Variants in SMAP2 observed in about 807,000 individuals in gnomAD.
The protein encoded by SMAP2 is small ArfGAP2, also known as stromal membrane-associated protein 2.
A neutral mutation model predicts 56.4 loss-of-function variants in SMAP2; 25 were observed. The ratio of observed to expected loss-of-function variants is 0.44; its 90% CI spans 0.32 to 0.62. The LOEUF (loss-of-function observed/expected upper bound fraction) is 0.62. SMAP2 is among the 20% of genes least tolerant of loss of function. SMAP2 has a pLI of 0.04. For synonymous variants in SMAP2, 157 were observed against 181.7 expected (o/e 0.86, Z 1.09); for missense variants, 388 against 545.6 (o/e 0.71, Z 2.88).
At chr1:40,372,585 C>T (rs544500104), upstream of SMAP2, among the ~76,000 whole-genome samples, 1 of 152,226 alleles carries the variant, frequency 6.6e-6, no homozygotes, top group South Asian at 2.1e-4. Context: ...AGGGAAGAGG[C>T]TTAGCCAGAA....
intron 1 of SMAP2, among the ~76,000 whole-genome samples, chr1:40,360,377 C>T (rs1330891880): frequency 2.0e-5 from 3 of 150,070 alleles, no homozygotes; most frequent in African/African-American, 7.4e-5. Flanking sequence ...GATCTTGGCT[C>T]ACTGCAACCT....
rs1217368960 is a variant in SMAP2 at position 40,414,217 on chromosome 1, C to T, written c.548C>T (p.Pro183Leu). Residue 183 changes from proline (P) to leucine (L), a missense_variant, in exon 6 of 10, where the codon CCT becomes CTT. By Grantham distance (98) the Pro-to-Leu change is moderately conservative. Transcript: ENST00000372718. ...AAAAGCTCCCCGAAATCCACAGCGC[C>T]TGTCATGGATTTGTTGGGCCTTGGT... ...PRKSSPKSTA[P>L]VMDLLGLDAP... 1.2e-6 allele frequency: 2 copies of T among 1,614,068 alleles called. No individual in the cohort carries two copies. The highest frequency in any genetic ancestry group is 2.2e-5 in the East Asian group (1 of 44,900).
At chr1:40,351,131 C>T (rs973769502) in intron 1 of SMAP2, among the ~76,000 whole-genome samples, 1 of 152,174 alleles carries the variant, frequency 6.6e-6, no homozygotes, top group Non-Finnish European at 1.5e-5. Context: ...CCTTCTGGAG[C>T]ACCCCAGCTT....
chr1:40,374,525 T>C lies in SMAP2; in HGVS notation c.103+302T>C. 1.1e-6 allele frequency: 1 copy of C among 874,470 alleles called. No individual in the cohort carries two copies. The highest frequency in any genetic ancestry group is 1.6e-5 in the South Asian group (1 of 63,568). The allele number at this position is 874,470 out of a possible 1,614,324, so 54.2% of individuals were successfully genotyped here. A position where few individuals can be genotyped will look rare whatever the true frequency, so the allele number is the denominator to read the frequency against. The stretch of plus-strand genomic sequence containing the variant: ...GGCTCTGAATGAGTTCTGGGCCGGC[T>C]GTCCAGAGAGAGCTCCCAGCATGTC... On this transcript the variant is annotated intron_variant, in intron 1 of 9. Transcript: ENST00000372718. The surrounding 1 kb of genome is among the most constrained non-coding windows in gnomAD (Gnocchi z 5.9).
Position 40,422,090 on chromosome 1 carries a change from A to C in SMAP2, c.1279A>C (p.Met427Leu). The C allele has an allele frequency of 6.2e-7, 1 of 1,614,056 alleles. No homozygotes were observed. Among genetic ancestry groups the C allele is most frequent in the Non-Finnish European group, 8.5e-7 (1 of 1,180,006 alleles). ...QAANQTLSPQ[M>L]WK ...AGCAAATCAGACTCTCAGTCCTCAGATGTGGAAATAAAAACAAAACACCTG... is the reference window on the plus strand; with the variant it reads ...AGCAAATCAGACTCTCAGTCCTCAGCTGTGGAAATAAAAACAAAACACCTG... The change falls in exon 10 of 10, where the codon ATG becomes CTG. Residue 427 changes from methionine to leucine, a missense_variant. By Grantham distance (15) the Met-to-Leu change is conservative. Transcript: ENST00000372718.
chr1:40,354,767 ATTTTTTTTTTTT>A (rs774191085), intron 1 of SMAP2, among the ~76,000 whole-genome samples: 3 of 67,338 alleles, frequency 4.5e-5, no homozygotes, highest in South Asian at 7.4e-4. Flanking sequence ...AAAACATTGA[ATTTTTTTTTTTT>A]TTTTTTTTTT....
chr1:40,389,748 G>A (rs922171433), intron 1 of SMAP2, among the ~76,000 whole-genome samples: 1 of 152,194 alleles, frequency 6.6e-6, no homozygotes, highest in African/African-American at 2.4e-5. Flanking sequence ...CAGTCCTTTA[G>A]CCCTTTTGTG....
At chr1:40,412,864 C>G (rs1237448114) in intron 4 of SMAP2, 152 bp from the exon 5 acceptor site, 20 of 601,056 alleles carry the variant, frequency 3.3e-5, no homozygotes, top group Non-Finnish European at 5.6e-5. Context: ...CTCTCATGCT[C>G]CACACCAAGA....
At chr1:40,397,500 C>T (rs1164925023) in intron 1 of SMAP2, among the ~76,000 whole-genome samples, 1 of 152,164 alleles carries the variant, frequency 6.6e-6, no homozygotes, top group East Asian at 1.9e-4. Flanking sequence ...AATCCGTTTT[C>T]TGTGTTACAG....
At chr1:40,353,057 T>A (rs930839047) in intron 1 of SMAP2, among the ~76,000 whole-genome samples, 20 of 152,178 alleles carry the variant, frequency 1.3e-4, no homozygotes, top group African/African-American at 4.8e-4. Flanking sequence ...CCCACAGCCA[T>A]GTCCAGCACC....
In SMAP2 at chr1:40,418,307, C is replaced by A. The variant is rs145333738; in HGVS notation, c.1164+1211C>A. Among the ~76,000 whole-genome samples the A allele has an allele frequency of 7.8e-3, 1,183 of 152,018 alleles. 7 individuals carry two copies. Among genetic ancestry groups the A allele is most frequent in the Admixed American group, 0.011 (174 of 15,278 alleles). On this transcript the variant is annotated intron_variant, in intron 9 of 9. Transcript: ENST00000372718. ...CAATAGATTGAGCTGAAAATATATT[C>A]GGCATTGAGGAAAGGCATGAAACAG...
intron 1 of SMAP2, among the ~76,000 whole-genome samples, chr1:40,360,004 CTTTT>C (rs775408458): frequency 9.8e-6 from 1 of 102,482 alleles, no homozygotes; most frequent in South Asian, 3.3e-4. Context: ...CTTCTTCTTT[CTTTT>C]TTTTTTTTTT....
intron 1 of SMAP2, among the ~76,000 whole-genome samples, chr1:40,392,115 A>G (rs1414995901): frequency 6.6e-6 from 1 of 151,996 alleles, no homozygotes; most frequent in Non-Finnish European, 1.5e-5. Flanking sequence ...GAAATGCATT[A>G]GATTGCCCAA....
In SMAP2 at chr1:40,396,229, A is replaced by G. The variant is rs12566885; in HGVS notation, c.104-10507A>G. ...TATCAAAATGGTAGGAAGAGAGATTAATGGGACTCCGTATAAGGAAGGCCT... is the reference window on the plus strand; with the variant it reads ...TATCAAAATGGTAGGAAGAGAGATTGATGGGACTCCGTATAAGGAAGGCCT... On this transcript the variant is annotated intron_variant, in intron 1 of 9. Transcript: ENST00000372718. Among the ~76,000 whole-genome samples, 817 of 152,336 alleles carry G rather than the reference A, an allele frequency of 5.4e-3. 28 individuals carry two copies. In the East Asian group the frequency reaches 0.079, roughly 15 times the overall value.
chr1:40,392,753 A>C (rs1467680730), intron 1 of SMAP2, among the ~76,000 whole-genome samples: 1 of 152,144 alleles, frequency 6.6e-6, no homozygotes, highest in Non-Finnish European at 1.5e-5. Context: ...GTAATAAGCA[A>C]TCTAAAACTT....
At chr1:40,354,766 A>ATTTTTTT (rs1557821399) in intron 1 of SMAP2, among the ~76,000 whole-genome samples, 1 of 58,270 alleles carries the variant, frequency 1.7e-5, no homozygotes, top group East Asian at 6.9e-4. Flanking sequence ...CAAAACATTG[A>ATTTTTTT]ATTTTTTTTT....
intron 1 of SMAP2, among the ~76,000 whole-genome samples, chr1:40,356,774 C>T (rs928602631): frequency 6.6e-6 from 1 of 152,188 alleles, no homozygotes; most frequent in Admixed American, 6.6e-5. Context: ...AATTTACATT[C>T]CCAACAACAG....
chr1:40,350,347 A>G (rs1203112230), intron 1 of SMAP2, among the ~76,000 whole-genome samples: 2 of 152,148 alleles, frequency 1.3e-5, no homozygotes, highest in African/African-American at 4.8e-5. Flanking sequence ...GACCCACCAG[A>G]TCTTGTTGGG....
At chr1:40,372,875 C>T (rs1409846167), upstream of SMAP2, among the ~76,000 whole-genome samples, 1 of 152,118 alleles carries the variant, frequency 6.6e-6, no homozygotes. Flanking sequence ...ACATCGTGCT[C>T]AGTGAATGAA....
Sources: allele counts gnomAD v4.1 joint callset (sites outside exome capture counted in the v4.1 genomes callset), GRCh38; gene constraint gnomAD v4.1.1; non-coding constraint Gnocchi (gnomAD v3.1); transcripts MANE v1.5; gene names NCBI Gene and HGNC (gene_info 2026-07-23, HGNC 2026-07-21).